Variants in ATP2B2 observed in about 807,000 individuals in gnomAD.
The protein encoded by ATP2B2 is ATPase plasma membrane Ca2+ transporting 2, also known as plasma membrane calcium-transporting ATPase 2.
A neutral mutation model predicts 120.0 loss-of-function variants in ATP2B2; 15 were observed. That is an observed-to-expected ratio of 0.12 (90% CI 0.08 to 0.19). The LOEUF is 0.19. ATP2B2 is among the 10% of genes least tolerant of loss of function. ATP2B2 has a pLI of 1.00. For missense variants in ATP2B2, 1,045 were observed against 1,719.8 expected (o/e 0.61, Z 6.94); for synonymous variants, 694 against 700.3 (o/e 0.99, Z 0.14).
At chr3:10,357,750 C>T (rs1439009960) in intron 14 of ATP2B2, among the ~76,000 whole-genome samples, 1 of 152,212 alleles carries the variant, frequency 6.6e-6, no homozygotes, top group African/African-American at 2.4e-5. Context: ...CCAGCCCCTC[C>T]TGCACGCTGC....
chr3:10,549,039 G>A (rs954790095), intron 2 of ATP2B2, among the ~76,000 whole-genome samples: 4 of 152,188 alleles, frequency 2.6e-5, no homozygotes, highest in African/African-American at 9.7e-5. Context: ...CAAACTAAGT[G>A]CTGAGGGTAC....
At chr3:10,431,161 T>C (rs1218693432) in intron 2 of ATP2B2, among the ~76,000 whole-genome samples, 1 of 152,176 alleles carries the variant, frequency 6.6e-6, no homozygotes, top group Non-Finnish European at 1.5e-5. Flanking sequence ...AAAGATGCTG[T>C]GAACATTGTT....
chr3:10,449,563 C>T lies in ATP2B2; in HGVS notation c.-20G>A, dbSNP rs549542925. ...ACCCATGTTTGCTGCGGTCCTTGCT[C>T]GGGCTGGGCCCAAGGGTCAGCGCTG... On this transcript the variant is annotated 5_prime_UTR_variant, in exon 2 of 23. Transcript: ENST00000360273. The T allele has an allele frequency of 8.9e-5, 144 of 1,614,150 alleles. 1 individual carries two copies. In the South Asian group the frequency reaches 9.7e-4, roughly 11 times the overall value.
chr3:10,488,125 C>A (rs1446255283), intron 1 of ATP2B2, among the ~76,000 whole-genome samples: 3 of 151,592 alleles, frequency 2.0e-5, no homozygotes, highest in Non-Finnish European at 4.4e-5. Flanking sequence ...ATCCACCCAT[C>A]CATCCATCCA....
rs541165805 is a variant in ATP2B2, at chr3:10,325,354, T to C, written c.*3460A>G. ...ATAATAAGACATTAGAAATTGACAATAGTTAAAATTGTATGGCTGGTGCCA... is the reference window on the plus strand; with the variant it reads ...ATAATAAGACATTAGAAATTGACAACAGTTAAAATTGTATGGCTGGTGCCA... On this transcript the variant is annotated 3_prime_UTR_variant, in exon 23 of 23. Coordinates refer to ENST00000360273, the MANE Select transcript of ATP2B2 (RefSeq NM_001001331.4). The C allele has an allele frequency of 1.3e-5, 2 of 152,258 alleles. No individual in the cohort carries two copies. The highest frequency in any genetic ancestry group is 1.3e-4 in the Admixed American group (2 of 15,302). 9.4% of individuals were successfully genotyped at this position (152,258 alleles called of 1,614,324 possible).
intron 1 of ATP2B2, among the ~76,000 whole-genome samples, chr3:10,707,402 C>A (rs1033696690): frequency 2.0e-5 from 3 of 152,190 alleles, no homozygotes; most frequent in East Asian, 3.9e-4. Flanking sequence ...AGCTGCAAAT[C>A]ACGTTTGGGG....
intron 2 of ATP2B2, among the ~76,000 whole-genome samples, chr3:10,413,284 T>A (rs373394138): frequency 1.5e-4 from 23 of 152,340 alleles, no homozygotes; most frequent in African/African-American, 5.1e-4. Context: ...TCTCCTCAGA[T>A]GCTGACCATG....
At chr3:10,499,536 C>T (rs954153811) in intron 1 of ATP2B2, among the ~76,000 whole-genome samples, 7 of 152,220 alleles carry the variant, frequency 4.6e-5, no homozygotes, top group Admixed American at 3.9e-4. Flanking sequence ...ATGAACATTT[C>T]GGTACTTGGC....
chr3:10,494,104 T>A (rs1369528340), intron 1 of ATP2B2, among the ~76,000 whole-genome samples: 1 of 152,128 alleles, frequency 6.6e-6, no homozygotes, highest in Admixed American at 6.5e-5. Flanking sequence ...CACTGAAGAC[T>A]TTGACCAGAG....
chr3:10,601,360 T>C (rs1056804463), intron 2 of ATP2B2, among the ~76,000 whole-genome samples: 1 of 152,236 alleles, frequency 6.6e-6, no homozygotes, highest in Non-Finnish European at 1.5e-5. Flanking sequence ...CAGGCTCCAA[T>C]TGTGGCTTAT....
chr3:10,391,968 C>T (rs929585470), intron 5 of ATP2B2, among the ~76,000 whole-genome samples: 7 of 152,104 alleles, frequency 4.6e-5, no homozygotes, highest in African/African-American at 1.4e-4. Flanking sequence ...CACCTGAATG[C>T]CTTTCCCTCA....
intron 3 of ATP2B2, among the ~76,000 whole-genome samples, chr3:10,524,613 T>C (rs1188902216): frequency 6.6e-6 from 1 of 152,184 alleles, no homozygotes; most frequent in African/African-American, 2.4e-5. Context: ...TGACAACTAA[T>C]TCATCATCTC....
At chr3:10,429,278 C>G (rs140553779) in intron 2 of ATP2B2, among the ~76,000 whole-genome samples, 1 of 152,194 alleles carries the variant, frequency 6.6e-6, no homozygotes, top group Non-Finnish European at 1.5e-5. Context: ...TACAGGCACA[C>G]CTACTTTATT....
Position 10,591,804 on chromosome 3 carries a change from C to T in ATP2B2, c.-415+28113G>A, listed in dbSNP as rs183354409. 1.8e-4 allele frequency among the ~76,000 whole-genome samples: 28 copies of T among 152,304 alleles called. No individual in the cohort carries two copies. In the Middle Eastern group the frequency reaches 0.01, roughly 56 times the overall value. On this transcript the variant is annotated intron_variant, in intron 2 of 21. Coordinates refer to the ATP2B2 transcript ENST00000646379. The stretch of plus-strand genomic sequence containing the variant: ...AGCTTAGGCTTGCACTGCTGAAGGC[C>T]ATTTAAGTAGTGCCATAGAAATCCA...
At chr3:10,379,677 G>C (rs752909022) in intron 8 of ATP2B2, among the ~76,000 whole-genome samples, 4 of 152,098 alleles carry the variant, frequency 2.6e-5, no homozygotes, top group Non-Finnish European at 5.9e-5. Context: ...GTGTTTTCTG[G>C]GTTGAGAGAA....
chr3:10,522,259 A>G (rs1187398107), intron 3 of ATP2B2, among the ~76,000 whole-genome samples: 3 of 151,962 alleles, frequency 2.0e-5, no homozygotes, highest in Non-Finnish European at 2.9e-5. Flanking sequence ...GTACGTGTGT[A>G]TTGCCTTTTC....
chr3:10,402,031 C>A lies in ATP2B2; in HGVS notation c.655+60G>T, dbSNP rs906120259. The A allele has an allele frequency of 1.9e-6, 3 of 1,605,702 alleles. No homozygotes were observed. The highest frequency in any genetic ancestry group is 2.5e-6 in the Non-Finnish European group (3 of 1,179,778). ...AGCCAATCTCTTTGCATCAGCCTGG[C>A]CTGTCCCACCTCTGCCGGAATCCAG... On this transcript the variant is annotated intron_variant, in intron 4 of 22. Coordinates refer to ENST00000360273, the MANE Select transcript of ATP2B2 (RefSeq NM_001001331.4). The surrounding 1 kb of genome is among the most constrained non-coding windows in gnomAD (Gnocchi z 4.9).
chr3:10,570,291 A>C (rs1332859287), intron 2 of ATP2B2: 1 of 152,236 alleles, frequency 6.6e-6, no homozygotes, highest in Admixed American at 6.5e-5. Context: ...GCTAATTACA[A>C]GCTGACATTT....
At chr3:10,564,210 T>C (rs1429699807) in intron 2 of ATP2B2, among the ~76,000 whole-genome samples, 2 of 152,204 alleles carry the variant, frequency 1.3e-5, no homozygotes, top group Non-Finnish European at 2.9e-5. Flanking sequence ...TGATCAATAA[T>C]ACCCATAGGC....
Sources: gnomAD v4.1 joint callset for allele counts (sites outside exome capture counted in the v4.1 genomes callset) on GRCh38, gnomAD v4.1.1 for gene constraint, Gnocchi (gnomAD v3.1) non-coding constraint, MANE v1.5 for transcripts, NCBI Gene and HGNC (gene_info 2026-07-23, HGNC 2026-07-21) for gene names.